The following EFCAB11 variants were observed in gnomAD, a reference collection of about 807,000 sequenced individuals.
The protein encoded by EFCAB11 is EF-hand calcium-binding domain-containing protein 11.
In EFCAB11, 14 loss-of-function variants were observed where a neutral mutation model predicts 23.0. That is an observed-to-expected ratio of 0.61 (90% CI 0.40 to 0.95). The LOEUF is 0.95. EFCAB11 is among the 40% of genes least tolerant of loss of function. The probability of loss-of-function intolerance (pLI) is 0.00; values close to 1 mark genes in which losing one functional copy is unlikely to be tolerated. For missense variants in EFCAB11, 198 were observed against 195.8 expected (o/e 1.01, Z -0.07); for synonymous variants, 65 against 66.6 (o/e 0.98, Z 0.11).
intron 5 of EFCAB11, among the ~76,000 whole-genome samples, chr14:89,886,885 A>T (rs1888804689): frequency 6.6e-6 from 1 of 152,230 alleles, no homozygotes; most frequent in African/African-American, 2.4e-5. Context: ...AAATATATCC[A>T]TTGTTAACTT....
chr14:89,858,090 A>T (rs1887810321), intron 5 of EFCAB11, among the ~76,000 whole-genome samples: 1 of 152,186 alleles, frequency 6.6e-6, no homozygotes, highest in African/African-American at 2.4e-5. Flanking sequence ...TCCTCCCTTC[A>T]AGAGTAGAGC....
intron 3 of EFCAB11, among the ~76,000 whole-genome samples, chr14:89,944,997 AT>A (rs1162049030): frequency 1.7e-5 from 2 of 120,622 alleles, no homozygotes; most frequent in African/African-American, 6.3e-5. Context: ...AAAATATTAG[AT>A]TTTATTAGAT....
At chr14:89,943,005 C>A (rs1464728234) in intron 3 of EFCAB11, among the ~76,000 whole-genome samples, 1 of 152,116 alleles carries the variant, frequency 6.6e-6, no homozygotes, top group East Asian at 1.9e-4. Flanking sequence ...CTGGCCCTTC[C>A]TAAAAGCAGC....
At position 89,885,740 on chromosome 14, in the gene EFCAB11, A is replaced by AGAAAGAAAG. The variant is rs1305198837; in HGVS notation, c.410+45792_410+45800dup. Among the ~76,000 whole-genome samples the AGAAAGAAAG allele has an allele frequency of 1.4e-3, 165 of 117,496 alleles. 1 individual carries two copies. Among genetic ancestry groups the AGAAAGAAAG allele is most frequent in the African/African-American group, 5.1e-3 (156 of 30,514 alleles). 77.1% of individuals were successfully genotyped at this position (117,496 alleles called of 152,430 possible). On this transcript the variant is annotated intron_variant, in intron 5 of 5. Transcript: ENST00000316738. ...AAGAGAGAGAGAAAGAGAGAGAGAGAGAAAGAAAGGAAAGAAAGGAAAGAA... is the reference window on the plus strand; with the variant it reads ...AAGAGAGAGAGAAAGAGAGAGAGAGAGAAAGAAAGGAAAGAAAGGAAAGAAAGGAAAGAA...
chr14:89,932,478 C>T lies in EFCAB11; in HGVS notation c.319+48G>A, dbSNP rs1415042002. 2.8e-6 allele frequency: 4 copies of T among 1,445,544 alleles called. No individual in the cohort carries two copies. In the African/African-American group the frequency reaches 4.4e-5, roughly 16 times the overall value. The allele number at this position is 1,445,544 out of a possible 1,614,324, so 89.5% of individuals were successfully genotyped here. A position where few individuals can be genotyped will look rare whatever the true frequency, so the allele number is the denominator to read the frequency against. ...CTGGGTATATAATCCTATTTGCAAT[C>T]CCTTAAAAGTAATTTTTTTTACATC... On this transcript the variant is annotated intron_variant, in intron 4 of 5. Transcript: ENST00000316738.
intron 5 of EFCAB11, among the ~76,000 whole-genome samples, chr14:89,832,710 C>A (rs1886925091): frequency 6.6e-6 from 1 of 152,164 alleles, no homozygotes; most frequent in Non-Finnish European, 1.5e-5. Flanking sequence ...TACAGTTGGG[C>A]AAAATCATTT....
At chr14:89,798,699 G>A (rs544484051) in intron 5 of EFCAB11, among the ~76,000 whole-genome samples, 5 of 152,304 alleles carry the variant, frequency 3.3e-5, no homozygotes, top group Non-Finnish European at 7.4e-5. Context: ...GTGCGAGTGT[G>A]CTTATTCACT....
intron 5 of EFCAB11, among the ~76,000 whole-genome samples, chr14:89,886,938 G>T (rs1236711145): frequency 6.6e-6 from 1 of 152,084 alleles, no homozygotes; most frequent in Non-Finnish European, 1.5e-5. Context: ...AGGTCAGTCT[G>T]GATACCTTCT....
At chr14:89,854,161 C>T (rs1177603525) in intron 5 of EFCAB11, among the ~76,000 whole-genome samples, 1 of 151,060 alleles carries the variant, frequency 6.6e-6, no homozygotes, top group Non-Finnish European at 1.5e-5. Flanking sequence ...AGGTATTTCC[C>T]CCGAGAAGAT....
At chr14:89,906,712 T>A (rs1400439549) in intron 5 of EFCAB11, among the ~76,000 whole-genome samples, 13 of 152,248 alleles carry the variant, frequency 8.5e-5, no homozygotes, top group Non-Finnish European at 1.2e-4. Context: ...TTAAAGAGTA[T>A]AACATTTTAT....
chr14:89,932,552 T>A lies in EFCAB11; in HGVS notation c.293A>T (p.His98Leu). The part of the protein sequence containing the change: ...EAQRYRNEVR[H>L]IFTAFDTYYR... The stretch of plus-strand genomic sequence containing the variant: ...GTAGGTGTCAAAGGCTGTGAAGATG[T>A]GTCTTACTTCGTTCCGATATCGTTG... The change falls in exon 4 of 6, where the codon CAC becomes CTC. Residue 98 changes from histidine to leucine, a missense_variant. Physicochemically the swap from His to Leu is moderately conservative, Grantham distance 99 (BLOSUM62 -3). Coordinates refer to ENST00000316738, the MANE Select transcript of EFCAB11 (RefSeq NM_145231.4). The A allele has an allele frequency of 6.2e-7, 1 of 1,613,906 alleles. No homozygotes were observed. The highest frequency in any genetic ancestry group is 8.5e-7 in the Non-Finnish European group (1 of 1,179,928).
In EFCAB11 at chr14:89,797,262, T is replaced by C. The variant is rs774640150; in HGVS notation, c.473A>G (p.Tyr158Cys). Residue 158 changes from tyrosine (Y) to cysteine (C), a missense_variant, in exon 6 of 6, where the codon TAT becomes TGT. Coordinates refer to ENST00000316738, the MANE Select transcript of EFCAB11 (RefSeq NM_145231.4). ...CAATAGTTAGGCTTCCTTCTGTCCA[T>C]AGTTCAGGGCATATTCAAAGTCTCT... ...SFRDFEYALN[Y>C]GQKEA 4.3e-6 allele frequency: 7 copies of C among 1,613,484 alleles called. No homozygotes were observed. The highest frequency in any genetic ancestry group is 1.3e-5 in the African/African-American group (1 of 75,042).
chr14:89,954,129 C>A (rs529543999), intron 1 of EFCAB11, 128 bp from the exon 2 acceptor site: 2 of 910,230 alleles, frequency 2.2e-6, no homozygotes, highest in East Asian at 5.3e-5. Flanking sequence ...AATAGAATTT[C>A]ATTATCCCAA....
intron 5 of EFCAB11, among the ~76,000 whole-genome samples, chr14:89,894,739 T>C (rs1889106833): frequency 6.6e-6 from 1 of 152,238 alleles, no homozygotes; most frequent in African/African-American, 2.4e-5. Flanking sequence ...GATGTCATTA[T>C]CTTTGTGGAT....
At chr14:89,846,255 C>T (rs1225281700) in intron 5 of EFCAB11, among the ~76,000 whole-genome samples, 1 of 152,166 alleles carries the variant, frequency 6.6e-6, no homozygotes, top group East Asian at 1.9e-4. Context: ...AAGAAATGAA[C>T]CCAGGACACT....
chr14:89,913,095 C>T (rs1889731725), intron 5 of EFCAB11, among the ~76,000 whole-genome samples: 1 of 152,188 alleles, frequency 6.6e-6, no homozygotes, highest in African/African-American at 2.4e-5. Context: ...GCAGGCAAGG[C>T]AGGCGTGAAT....
At chr14:89,872,271 T>A (rs1054816363) in intron 5 of EFCAB11, among the ~76,000 whole-genome samples, 10 of 152,228 alleles carry the variant, frequency 6.6e-5, no homozygotes, top group African/African-American at 2.2e-4. Context: ...AACAATTCAG[T>A]TGATAAGACA....
At chr14:89,926,294 C>T (rs1165363002) in intron 5 of EFCAB11, among the ~76,000 whole-genome samples, 1 of 152,130 alleles carries the variant, frequency 6.6e-6, no homozygotes, top group South Asian at 2.1e-4. Context: ...AGAAAACTTG[C>T]TTTCATTAAT....
At chr14:89,843,131 T>C (rs11627831) in intron 5 of EFCAB11, among the ~76,000 whole-genome samples, 21,391 of 152,044 alleles carry the variant, frequency 0.14, 3,805 homozygotes, top group African/African-American at 0.42. Context: ...CTATATAATA[T>C]TCTCTATGTA....
Sources: allele counts gnomAD v4.1 joint callset (sites outside exome capture counted in the v4.1 genomes callset), GRCh38; gene constraint gnomAD v4.1.1; transcripts MANE v1.5; gene names NCBI Gene and HGNC (gene_info 2026-07-23, HGNC 2026-07-21).